SRGAP3: variants seen among roughly 807,000 people sequenced by gnomAD.
The protein encoded by SRGAP3 is SLIT-ROBO Rho GTPase-activating protein 3.
In SRGAP3, 39 loss-of-function variants were observed where a neutral mutation model predicts 121.1. The observed-to-expected ratio is 0.32, with a 90% CI of 0.25 to 0.42. The LOEUF is 0.42. SRGAP3 is among the 10% of genes least tolerant of loss of function. The pLI is 1.00. For missense variants in SRGAP3, 1,213 were observed against 1,470.6 expected, an observed-to-expected ratio of 0.82 and a Z score of 2.86; for synonymous variants, 601 against 570.0, an observed-to-expected ratio of 1.05 and a Z score of -0.77.
At chr3:9,175,505 T>C (rs903761375) in intron 1 of SRGAP3, among the ~76,000 whole-genome samples, 3 of 152,208 alleles carry the variant, frequency 2.0e-5, no homozygotes, top group African/African-American at 7.2e-5. Flanking sequence ...AAGACACAGC[T>C]GGATGGTCCC....
At chr3:9,184,408 T>G (rs1951530266) in intron 1 of SRGAP3, among the ~76,000 whole-genome samples, 1 of 152,208 alleles carries the variant, frequency 6.6e-6, no homozygotes, top group Non-Finnish European at 1.5e-5. Context: ...TAAGGTCTTT[T>G]GAGCGTCAGT....
At chr3:9,265,442 A>G (rs989572046) in intron 3 of SRGAP3, among the ~76,000 whole-genome samples, 2 of 152,222 alleles carry the variant, frequency 1.3e-5, no homozygotes, top group Non-Finnish European at 2.9e-5. Flanking sequence ...CAGGCAACCT[A>G]CAGAATGGGA....
intron 3 of SRGAP3, among the ~76,000 whole-genome samples, chr3:9,299,051 C>CAAAAAA (rs71049787): frequency 1.3e-4 from 9 of 70,382 alleles, no homozygotes; most frequent in African/African-American, 2.6e-4. Flanking sequence ...GACTCCATCT[C>CAAAAAA]AAAAAAAAAA....
chr3:9,043,944 T>A (rs1160653897), intron 10 of SRGAP3, among the ~76,000 whole-genome samples: 1 of 152,192 alleles, frequency 6.6e-6, no homozygotes, highest in Admixed American at 6.5e-5. Context: ...AAAAAGGTTA[T>A]AAGTCTAAGA....
chr3:9,158,520 C>G (rs1408489633), intron 1 of SRGAP3, among the ~76,000 whole-genome samples: 1 of 152,104 alleles, frequency 6.6e-6, no homozygotes, highest in East Asian at 1.9e-4. Context: ...TGAACTGATT[C>G]TCAAAAATAC....
intron 4 of SRGAP3, among the ~76,000 whole-genome samples, chr3:9,067,735 C>A (rs1014154872): frequency 1.3e-5 from 2 of 152,146 alleles, no homozygotes; most frequent in African/African-American, 4.8e-5. Flanking sequence ...GTGCAGCAAA[C>A]CACGATGGCA....
intron 3 of SRGAP3, among the ~76,000 whole-genome samples, chr3:9,086,533 A>G (rs1947481769): frequency 6.6e-6 from 1 of 151,194 alleles, no homozygotes; most frequent in Admixed American, 6.6e-5. Context: ...AAAAAAAAAA[A>G]AAAAACCATA....
intron 3 of SRGAP3, among the ~76,000 whole-genome samples, chr3:9,101,151 C>T (rs386369): frequency 6.6e-6 from 1 of 152,082 alleles, no homozygotes; most frequent in African/African-American, 2.4e-5. Flanking sequence ...ATGAGCTATC[C>T]TGAGAGGTAA....
At chr3:9,120,041 T>C (rs1324304438) in intron 2 of SRGAP3, among the ~76,000 whole-genome samples, 1 of 152,256 alleles carries the variant, frequency 6.6e-6, no homozygotes, top group Non-Finnish European at 1.5e-5. Flanking sequence ...GAATACTCCA[T>C]AGTGTATTTA....
intron 4 of SRGAP3, among the ~76,000 whole-genome samples, chr3:9,064,861 TAATAAATA>T (rs58800068): frequency 0.31 from 45,698 of 149,758 alleles, 7,799 homozygotes; most frequent in Non-Finnish European, 0.4. Context: ...TAAAAAATAA[TAATAAATA>T]AATAAATAAA....
intron 2 of SRGAP3, among the ~76,000 whole-genome samples, chr3:9,330,041 G>A (rs572624324): frequency 2.6e-5 from 4 of 152,216 alleles, no homozygotes; most frequent in Admixed American, 6.5e-5. Flanking sequence ...ATAAGACTTC[G>A]CTGCCTCCCA....
intron 1 of SRGAP3, among the ~76,000 whole-genome samples, chr3:9,213,168 A>G (rs1228413530): frequency 2.0e-5 from 3 of 152,254 alleles, no homozygotes; most frequent in African/African-American, 7.2e-5. Context: ...GACACAAATA[A>G]TGGAGTCTAT....
chr3:8,999,059 G>A (rs904969635), intron 18 of SRGAP3, among the ~76,000 whole-genome samples: 10 of 152,242 alleles, frequency 6.6e-5, no homozygotes, highest in Non-Finnish European at 2.9e-5. Context: ...ACAATGCTCT[G>A]TGTTTGATGC....
intron 1 of SRGAP3, among the ~76,000 whole-genome samples, chr3:9,206,844 T>C (rs181898474): frequency 1.1e-4 from 17 of 152,264 alleles, no homozygotes; most frequent in Non-Finnish European, 1.8e-4. Context: ...CTTAACATCA[T>C]AGTATGTCCT....
At chr3:9,348,404 C>T (rs535942733) in intron 1 of SRGAP3, 6 of 559,846 alleles carry the variant, frequency 1.1e-5, no homozygotes, top group East Asian at 9.4e-5. Flanking sequence ...CTCCAGAATC[C>T]GCGAACCCCA....
At chr3:9,117,555 G>C (rs1948849186) in intron 2 of SRGAP3, among the ~76,000 whole-genome samples, 1 of 152,168 alleles carries the variant, frequency 6.6e-6, no homozygotes, top group Non-Finnish European at 1.5e-5. Context: ...TATTTAAATA[G>C]AACTCCCTGC....
At chr3:9,288,607 A>C (rs370828162) in intron 3 of SRGAP3, among the ~76,000 whole-genome samples, 10 of 147,810 alleles carry the variant, frequency 6.8e-5, no homozygotes, top group Admixed American at 6.1e-4. Context: ...ACAAGTTCTC[A>C]CTCTGTCACC....
At chr3:9,091,078 TCA>T (rs796932484) in intron 3 of SRGAP3, among the ~76,000 whole-genome samples, 3 of 151,638 alleles carry the variant, frequency 2.0e-5, no homozygotes, top group Admixed American at 6.6e-5. Flanking sequence ...ACAAGACCTC[TCA>T]CACACACACA....
rs775941412 is a variant in SRGAP3, at chr3:9,013,289, A to C, written c.2147+19T>G. On this transcript the variant is annotated intron_variant, in intron 17 of 21. Coordinates refer to ENST00000383836, the MANE Select transcript of SRGAP3 (RefSeq NM_014850.4). ...TAACAATGACGATGATAATAATATT[A>C]AGAGGAATGGCATCTTACCAATATT... is the stretch of plus-strand genomic sequence containing the variant. The C allele has an allele frequency of 4.4e-6, 7 of 1,604,998 alleles. No homozygotes were observed. The East Asian group carries it at 1.6e-4, about 36-fold the overall frequency.
Sources: allele counts gnomAD v4.1 joint callset (sites outside exome capture counted in the v4.1 genomes callset), GRCh38; gene constraint gnomAD v4.1.1; transcripts MANE v1.5; gene names NCBI Gene and HGNC (gene_info 2026-07-23, HGNC 2026-07-21).